The following GKAP1 variants were observed in gnomAD, a reference collection of about 807,000 sequenced individuals.
GKAP1 encodes the protein G kinase-anchoring protein 1.
A neutral mutation model predicts 56.7 loss-of-function variants in GKAP1; 31 were observed. The ratio of observed to expected loss-of-function variants is 0.55; its 90% CI spans 0.41 to 0.74. The LOEUF (loss-of-function observed/expected upper bound fraction) is 0.74. GKAP1 is among the 30% of genes least tolerant of loss of function. The pLI is 0.00. For missense variants in GKAP1, 364 were observed against 402.3 expected (o/e 0.90, Z 0.82); for synonymous variants, 151 against 138.6 (o/e 1.09, Z -0.63).
chr9:83,759,301 C>A (rs1216571027), intron 8 of GKAP1, among the ~76,000 whole-genome samples: 1 of 151,984 alleles, frequency 6.6e-6, no homozygotes, highest in Admixed American at 6.6e-5. Context: ...TGCTTCAATG[C>A]CCAGGCTGGA....
At chr9:83,786,777 T>G (rs1944071317) in intron 5 of GKAP1, among the ~76,000 whole-genome samples, 2 of 152,224 alleles carry the variant, frequency 1.3e-5, no homozygotes, top group Admixed American at 1.3e-4. Context: ...TCAATGATTT[T>G]GAGTACTACA....
chr9:83,779,481 A>ACG (rs1564201546), intron 7 of GKAP1, among the ~76,000 whole-genome samples: 9 of 128,976 alleles, frequency 7.0e-5, no homozygotes, highest in Middle Eastern at 4.0e-3. Context: ...ATACATATAC[A>ACG]TACATATATA....
intron 10 of GKAP1, among the ~76,000 whole-genome samples, chr9:83,746,014 C>T (rs984091555): frequency 7.2e-5 from 11 of 152,260 alleles, no homozygotes; most frequent in East Asian, 1.9e-4. Flanking sequence ...TGGTCTCGAA[C>T]TCCTAACCTC....
intron 8 of GKAP1, among the ~76,000 whole-genome samples, chr9:83,755,116 A>G (rs921581079): frequency 2.0e-5 from 3 of 152,186 alleles, no homozygotes; most frequent in Non-Finnish European, 2.9e-5. Context: ...GAAATATACT[A>G]CTATTAAGTT....
intron 9 of GKAP1, 112 bp downstream of exon 9, chr9:83,753,146 C>A: frequency 3.2e-6 from 2 of 626,910 alleles, no homozygotes; most frequent in Non-Finnish European, 2.8e-6. Flanking sequence ...ACATAAAAAA[C>A]AGAATGACTA....
chr9:83,791,584 C>T (rs538059007), intron 4 of GKAP1, among the ~76,000 whole-genome samples: 2 of 152,076 alleles, frequency 1.3e-5, no homozygotes, highest in Non-Finnish European at 2.9e-5. Flanking sequence ...AAAACTAGAA[C>T]AAATCTTCCA....
intron 2 of GKAP1, among the ~76,000 whole-genome samples, chr9:83,814,913 C>T (rs1354064407): frequency 1.3e-5 from 2 of 152,218 alleles, no homozygotes; most frequent in Non-Finnish European, 2.9e-5. Flanking sequence ...GTGGCTCACG[C>T]CTGTAATCCC....
At chr9:83,764,690 G>A (rs1313183034) in intron 8 of GKAP1, among the ~76,000 whole-genome samples, 1 of 152,098 alleles carries the variant, frequency 6.6e-6, no homozygotes, top group East Asian at 1.9e-4. Flanking sequence ...AGGCTGAGGT[G>A]GTCTCAGATG....
At chr9:83,767,811 C>T (rs574567257) in intron 8 of GKAP1, among the ~76,000 whole-genome samples, 1 of 152,260 alleles carries the variant, frequency 6.6e-6, no homozygotes, top group East Asian at 1.9e-4. Flanking sequence ...CTCAGCCTAC[C>T]ACGTAGCTGA....
At chr9:83,814,896 G>A (rs1051944009) in intron 2 of GKAP1, among the ~76,000 whole-genome samples, 20 of 152,200 alleles carry the variant, frequency 1.3e-4, no homozygotes, top group African/African-American at 2.7e-4. Context: ...TAAGCCAGCC[G>A]GGCATGGTGG....
intron 8 of GKAP1, among the ~76,000 whole-genome samples, chr9:83,759,731 C>T (rs1943537399): frequency 1.3e-5 from 2 of 152,036 alleles, no homozygotes; most frequent in South Asian, 2.1e-4. Context: ...ATGGTTATAC[C>T]AATTTACATT....
intron 3 of GKAP1, among the ~76,000 whole-genome samples, chr9:83,799,930 A>T (rs1434736922): frequency 6.6e-6 from 1 of 152,174 alleles, no homozygotes; most frequent in East Asian, 1.9e-4. Context: ...ATGCCACTGC[A>T]CTCCAGCCTG....
At chr9:83,752,851 T>C (rs1180928840) in intron 9 of GKAP1, among the ~76,000 whole-genome samples, 1 of 151,954 alleles carries the variant, frequency 6.6e-6, no homozygotes, top group Non-Finnish European at 1.5e-5. Context: ...TGGGCGGATC[T>C]CTTGAGGCCA....
chr9:83,791,020 G>T (rs1478974173), intron 4 of GKAP1, among the ~76,000 whole-genome samples: 1 of 152,132 alleles, frequency 6.6e-6, no homozygotes, highest in Non-Finnish European at 1.5e-5. Context: ...TGGAAGTCTT[G>T]TTAGATGTCA....
At chr9:83,775,540 C>A (rs1002009769) in intron 7 of GKAP1, among the ~76,000 whole-genome samples, 9 of 151,960 alleles carry the variant, frequency 5.9e-5, no homozygotes, top group African/African-American at 1.9e-4. Context: ...GATGACAGAG[C>A]CTTGGCAGAT....
At chr9:83,760,147 A>G (rs929734984) in intron 8 of GKAP1, among the ~76,000 whole-genome samples, 4 of 152,180 alleles carry the variant, frequency 2.6e-5, no homozygotes, top group Non-Finnish European at 4.4e-5. Context: ...CCTACAAGAA[A>G]CACATTTCAC....
intron 8 of GKAP1, among the ~76,000 whole-genome samples, chr9:83,768,305 T>C (rs1047144134): frequency 3.9e-5 from 6 of 152,196 alleles, no homozygotes; most frequent in South Asian, 2.1e-4. Flanking sequence ...CCAAAGTCTT[T>C]CTCTATTTCT....
At position 83,756,124 on chromosome 9, in the gene GKAP1, AT is replaced by A. The variant is rs923373990; in HGVS notation, c.739-2766del. On this transcript the variant is annotated intron_variant, in intron 8 of 12. Transcript: ENST00000376371. ...CCAGCCAAACTGGTACATTAAAAAA[AT>A]TTTTTTTTCTTAGTGTGATTAGAGG... Among the ~76,000 whole-genome samples the A allele has an allele frequency of 3.2e-3, 480 of 151,686 alleles. 4 individuals are homozygous for A. The highest frequency in any genetic ancestry group is 0.01 in the African/African-American group (415 of 41,370).
At chr9:83,780,882 G>A (rs1222775074) in intron 6 of GKAP1, among the ~76,000 whole-genome samples, 2 of 152,016 alleles carry the variant, frequency 1.3e-5, no homozygotes, top group East Asian at 3.9e-4. Flanking sequence ...TATTTTAAAA[G>A]CATATATCAA....
Sources: allele counts gnomAD v4.1 joint callset (sites outside exome capture counted in the v4.1 genomes callset), GRCh38; gene constraint gnomAD v4.1.1; transcripts MANE v1.5; gene names NCBI Gene and HGNC (gene_info 2026-07-23, HGNC 2026-07-21).